THEMIS: variants seen among roughly 807,000 people sequenced by gnomAD.
The protein encoded by THEMIS is protein THEMIS.
A neutral mutation model predicts 52.6 loss-of-function variants in THEMIS; 37 were observed. The ratio of observed to expected loss-of-function variants is 0.70; its 90% CI spans 0.54 to 0.93. The LOEUF is 0.93. THEMIS is among the 40% of genes least tolerant of loss of function. The pLI, the probability that THEMIS is intolerant of heterozygous loss-of-function variation, is 0.00. For synonymous variants in THEMIS, 292 were observed against 272.7 expected (o/e 1.07, Z -0.70); for missense variants, 808 against 763.1 (o/e 1.06, Z -0.69).
intron 4 of THEMIS, among the ~76,000 whole-genome samples, chr6:127,762,979 A>C (rs1176543230): frequency 6.6e-6 from 1 of 152,014 alleles, no homozygotes; most frequent in African/African-American, 2.4e-5. Flanking sequence ...AGATAATTGG[A>C]GACCCATACA....
intron 3 of THEMIS, among the ~76,000 whole-genome samples, chr6:127,820,341 G>T (rs1778295392): frequency 6.6e-6 from 1 of 152,022 alleles, no homozygotes; most frequent in African/African-American, 2.4e-5. Flanking sequence ...GGCTAAGATA[G>T]AATAGGAGAG....
At chr6:127,724,798 A>G (rs988397520) in intron 4 of THEMIS, among the ~76,000 whole-genome samples, 5 of 152,126 alleles carry the variant, frequency 3.3e-5, no homozygotes, top group African/African-American at 1.2e-4. Context: ...ACAAACAAAG[A>G]AAGGAACAAA....
intron 4 of THEMIS, among the ~76,000 whole-genome samples, chr6:127,757,392 T>C (rs937711112): frequency 2.6e-5 from 4 of 152,168 alleles, no homozygotes; most frequent in African/African-American, 9.7e-5. Context: ...AATTCACCCG[T>C]GCATACATAA....
chr6:127,735,451 C>T (rs6939770), intron 4 of THEMIS, among the ~76,000 whole-genome samples: 23,511 of 152,004 alleles, frequency 0.15, 1,936 homozygotes, highest in African/African-American at 0.21. Flanking sequence ...AAAGAGAATC[C>T]ATAGTTAGCA....
chr6:127,734,469 A>T (rs1030272985), intron 4 of THEMIS, among the ~76,000 whole-genome samples: 1 of 152,214 alleles, frequency 6.6e-6, no homozygotes, highest in Admixed American at 6.5e-5. Flanking sequence ...GAGGTTCATT[A>T]TGCTATTCTC....
chr6:127,904,189 A>C (rs1317666841), upstream of THEMIS, among the ~76,000 whole-genome samples: 1 of 152,106 alleles, frequency 6.6e-6, no homozygotes, highest in Non-Finnish European at 1.5e-5. Flanking sequence ...GAAAAGTCAG[A>C]GAAAGGTATT....
downstream of THEMIS, among the ~76,000 whole-genome samples, chr6:127,704,508 A>G (rs560558531): frequency 2.6e-5 from 4 of 152,304 alleles, no homozygotes; most frequent in African/African-American, 9.6e-5. Flanking sequence ...TGGCCATGAC[A>G]TTTTATCACA....
At chr6:127,819,118 T>TAAAAAAAAAAAAAAAAAAAAAAAAAAAA (rs142123167) in intron 3 of THEMIS, among the ~76,000 whole-genome samples, 1 of 19,480 alleles carries the variant, frequency 5.1e-5, no homozygotes, top group Non-Finnish European at 9.0e-5. Flanking sequence ...AGACTCTGTC[T>TAAAAAAAAAAAAAAAAAAAAAAAAAAAA]AAAAAAAAAA....
At chr6:127,848,603 TA>T (rs1461044244) in intron 2 of THEMIS, among the ~76,000 whole-genome samples, 2 of 152,148 alleles carry the variant, frequency 1.3e-5, no homozygotes, top group Non-Finnish European at 2.9e-5. Context: ...CCTGACTTTT[TA>T]ATGATCGCCA....
intron 3 of THEMIS, among the ~76,000 whole-genome samples, chr6:127,822,922 C>A (rs551011890): frequency 3.9e-5 from 6 of 152,122 alleles, no homozygotes; most frequent in Non-Finnish European, 8.8e-5. Flanking sequence ...GCCTGTCCTA[C>A]AGATTTAGAT....
intron 4 of THEMIS, among the ~76,000 whole-genome samples, chr6:127,748,768 G>C (rs969562181): frequency 2.6e-5 from 4 of 151,996 alleles, no homozygotes; most frequent in African/African-American, 9.7e-5. Context: ...CCTTGAGAAA[G>C]TCACAATCTC....
chr6:127,912,390 C>T (rs779093647), intron 1 of THEMIS, among the ~76,000 whole-genome samples: 24 of 152,142 alleles, frequency 1.6e-4, no homozygotes, highest in Non-Finnish European at 2.1e-4. Flanking sequence ...GTAACTGAGA[C>T]AGTGAAAGAG....
intron 1 of THEMIS, among the ~76,000 whole-genome samples, chr6:127,855,993 C>A (rs1269637225): frequency 6.6e-6 from 1 of 151,962 alleles, no homozygotes; most frequent in Non-Finnish European, 1.5e-5. Flanking sequence ...AACCCAAAAA[C>A]TATATCTCTG....
At chr6:127,884,443 G>T (rs436868) in intron 1 of THEMIS, among the ~76,000 whole-genome samples, 73,694 of 151,794 alleles carry the variant, frequency 0.49, 18,345 homozygotes, top group East Asian at 0.8. Flanking sequence ...AACTGAATTA[G>T]GCACCCCCTC....
upstream of THEMIS, chr6:127,901,136 AT>A (rs1781123768): frequency 1.7e-6 from 1 of 583,280 alleles, no homozygotes; most frequent in Admixed American, 3.0e-5. Flanking sequence ...AAAAAATGTT[AT>A]AGCTCTTTTT....
At chr6:127,807,391 C>A in intron 4 of THEMIS, 1 of 213,918 alleles carries the variant, frequency 4.7e-6, no homozygotes, top group Non-Finnish European at 9.5e-6. Context: ...ATCTCACAGT[C>A]AAAAAAGCTA....
intron 2 of THEMIS, 115 bp downstream of exon 2, chr6:127,854,915 C>T: frequency 1.2e-6 from 1 of 854,944 alleles, no homozygotes; most frequent in Non-Finnish European, 1.6e-6. Context: ...GGATTTTCCC[C>T]CCCATTATCC....
At chr6:127,844,702 C>A (rs1373145212) in intron 2 of THEMIS, among the ~76,000 whole-genome samples, 1 of 151,856 alleles carries the variant, frequency 6.6e-6, no homozygotes, top group African/African-American at 2.4e-5. Context: ...GAAAGAGGGA[C>A]AAATCTTTCC....
chr6:127,807,706 A>C (rs1777765331), intron 4 of THEMIS, among the ~76,000 whole-genome samples: 1 of 152,216 alleles, frequency 6.6e-6, no homozygotes, highest in African/African-American at 2.4e-5. Flanking sequence ...AAACACTCTT[A>C]ATGTATTTAT....
Sources: allele counts gnomAD v4.1 joint callset (sites outside exome capture counted in the v4.1 genomes callset), GRCh38; gene constraint gnomAD v4.1.1; transcripts MANE v1.5; gene names NCBI Gene and HGNC (gene_info 2026-07-23, HGNC 2026-07-21).